Variants in ST13 observed in about 807,000 individuals in gnomAD.
ST13 encodes hsc70-interacting protein.
Under a neutral mutation model 56.7 loss-of-function variants are expected in ST13, and 23 were observed. That is an observed-to-expected ratio of 0.41 (90% CI 0.29 to 0.57). The LOEUF (loss-of-function observed/expected upper bound fraction) is 0.57. ST13 is among the 20% of genes least tolerant of loss of function. The pLI, the probability that ST13 is intolerant of heterozygous loss-of-function variation, is 0.36. For missense variants in ST13, 369 were observed against 459.9 expected (o/e 0.80, Z 1.81); for synonymous variants, 132 against 142.4 (o/e 0.93, Z 0.52).
chr22:40,829,850 G>T lies in ST13; in HGVS notation c.799-176C>A, dbSNP rs185442634. On this transcript the variant is annotated intron_variant, in intron 9 of 11. Transcript: ENST00000216218. ...ATTTTTTCCAAACTGGATTCTCAGT[G>T]GGCATTATTCTTGGTAGTAATTTCA... Among the ~76,000 whole-genome samples the T allele has an allele frequency of 5.9e-5, 9 of 152,172 alleles. No homozygotes were observed. The East Asian group carries it at 1.7e-3, about 29-fold the overall frequency.
At chr22:40,854,965 G>A (rs1310350508) in intron 1 of ST13, among the ~76,000 whole-genome samples, 1 of 152,080 alleles carries the variant, frequency 6.6e-6, no homozygotes, top group Non-Finnish European at 1.5e-5. Flanking sequence ...AATATTAAAT[G>A]GTCTCAGAAT....
intron 1 of ST13, among the ~76,000 whole-genome samples, chr22:40,856,210 A>C (rs1348592414): frequency 6.6e-6 from 1 of 152,146 alleles, no homozygotes; most frequent in East Asian, 1.9e-4. Flanking sequence ...CCCCTGGGCA[A>C]CCTCAGGGTG....
At chr22:40,834,660 G>A (rs1209005204) in intron 7 of ST13, among the ~76,000 whole-genome samples, 1 of 152,060 alleles carries the variant, frequency 6.6e-6, no homozygotes, top group African/African-American at 2.4e-5. Flanking sequence ...AATGAACCAC[G>A]ATTTCCCACA....
At chr22:40,828,076 G>A (rs1367155680) in intron 10 of ST13, among the ~76,000 whole-genome samples, 1 of 152,144 alleles carries the variant, frequency 6.6e-6, no homozygotes, top group Non-Finnish European at 1.5e-5. Context: ...AGGCTTATCT[G>A]TTGATTTTTC....
Position 40,824,629 on chromosome 22 carries a change from T to G in ST13, c.*1909A>C. On this transcript the variant is annotated 3_prime_UTR_variant, in exon 12 of 12. Coordinates refer to ENST00000216218, the MANE Select transcript of ST13 (RefSeq NM_003932.5). The stretch of plus-strand genomic sequence containing the variant: ...GAGGAATTTTACTTTTACCCACTTA[T>G]GGTAATATTTGCAATATTAGAATAT... 1 of 152,326 alleles carries G rather than the reference T, an allele frequency of 6.6e-6. No homozygotes were observed. Among genetic ancestry groups the G allele is most frequent in the Non-Finnish European group, 1.5e-5 (1 of 68,038 alleles). 9.4% of individuals were successfully genotyped at this position (152,326 alleles called of 1,614,324 possible).
intron 2 of ST13, among the ~76,000 whole-genome samples, chr22:40,849,912 CA>C (rs11455161): frequency 7.2e-5 from 10 of 139,698 alleles, no homozygotes; most frequent in East Asian, 2.1e-4. Flanking sequence ...AGAAAATTTG[CA>C]AAAAAAAAAA....
At chr22:40,849,150 A>G (rs905406497) in intron 2 of ST13, among the ~76,000 whole-genome samples, 1 of 152,146 alleles carries the variant, frequency 6.6e-6, no homozygotes, top group African/African-American at 2.4e-5. Flanking sequence ...ATATATTGTT[A>G]ACCATTTTTA....
At chr22:40,829,533 A>C in intron 10 of ST13, 93 bp downstream of exon 10, 1 of 592,880 alleles carries the variant, frequency 1.7e-6, no homozygotes, top group South Asian at 7.2e-5. Context: ...AGAGAACAAA[A>C]TCAGAATATC....
At chr22:40,835,909 C>A in intron 5 of ST13, 22 bp from the exon 6 acceptor site, 1 of 1,560,222 alleles carries the variant, frequency 6.4e-7, no homozygotes, top group South Asian at 1.1e-5. Context: ...CAAAAGTTAT[C>A]GAGAAATATT....
intron 2 of ST13, among the ~76,000 whole-genome samples, chr22:40,848,627 C>A (rs2057845200): frequency 6.6e-6 from 1 of 152,124 alleles, no homozygotes; most frequent in Admixed American, 6.5e-5. Context: ...CTTGTAATCC[C>A]AGCCACTTGG....
In ST13 at chr22:40,832,641, A is replaced by G; in HGVS notation, c.609T>C (p.His203=). ...CCAATTTACAGGCAAGGGCAAGATC[A>G]TGGGCTGCTTCTTCCCAGTGGCCTA... ...RLLGHWEEAA[H]DLALACKLDY... Residue 203 remains histidine (H), a synonymous_variant, in exon 8 of 12, where the codon CAT becomes CAC. Transcript: ENST00000216218. 6.2e-7 allele frequency: 1 copy of G among 1,602,190 alleles called. No homozygotes were observed. The highest frequency in any genetic ancestry group is 8.5e-7 in the Non-Finnish European group (1 of 1,179,732).
chr22:40,854,629 G>C (rs2057879324), intron 1 of ST13: 1 of 152,160 alleles, frequency 6.6e-6, no homozygotes, highest in Non-Finnish European at 1.5e-5. Context: ...GTTCTTCTGT[G>C]TCTCCTCTTC....
intron 8 of ST13, among the ~76,000 whole-genome samples, chr22:40,831,307 T>G (rs896177945): frequency 1.3e-5 from 2 of 152,098 alleles, no homozygotes; most frequent in African/African-American, 4.8e-5. Flanking sequence ...CTGAATTCAG[T>G]AGGAAGAGTA....
chr22:40,831,933 C>A (rs2057755729), intron 8 of ST13, among the ~76,000 whole-genome samples: 1 of 152,130 alleles, frequency 6.6e-6, no homozygotes, highest in South Asian at 2.1e-4. Flanking sequence ...CTCACTGCAA[C>A]CTTCCACCTC....
At chr22:40,835,497 GCATCTTAAAA>G (rs1465908643) in intron 7 of ST13, 53 bp downstream of exon 7, 3 of 1,394,220 alleles carry the variant, frequency 2.2e-6, no homozygotes, top group Non-Finnish European at 3.0e-6. Flanking sequence ...TTTAAACAAA[GCATCTTAAAA>G]CATCAGATTT....
Position 40,856,518 on chromosome 22 carries a change from T to A in ST13, c.23A>T (p.Glu8Val). The stretch of plus-strand genomic sequence containing the variant: ...ACACATTTTCACAAAGGCCCGAAGC[T>A]CGTTCACTTTGCGGGGGTCCATGGT... The part of the protein sequence containing the change: MDPRKVN[E>V]LRAFVKMCKQ... Residue 8 changes from glutamate to valine, a missense_variant, in exon 1 of 12, where the codon GAG becomes GTG. By Grantham distance (121) the Glu-to-Val change is moderately radical. Around this residue, in one of 3 missense-constraint regions of ST13, gnomAD observed 169 missense variants for 175.6 expected, o/e 0.96. Transcript: ENST00000216218. The A allele has an allele frequency of 6.2e-7, 1 of 1,612,764 alleles. No individual in the cohort carries two copies. The highest frequency in any genetic ancestry group is 8.5e-7 in the Non-Finnish European group (1 of 1,179,712).
chr22:40,832,017 G>A lies in ST13; in HGVS notation c.681+552C>T, dbSNP rs1274873501. The A allele has an allele frequency of 8.6e-5, 29 of 335,430 alleles. No homozygotes were observed. The Admixed American group carries it at 1.1e-3, about 13-fold the overall frequency. The allele number at this position is 335,430 out of a possible 1,614,324, so 20.8% of individuals were successfully genotyped here. A position where few individuals can be genotyped will look rare whatever the true frequency, so the allele number is the denominator to read the frequency against. ...ACGTAGGCGCATGCCACCACACCTG[G>A]CTAACTTTTTGTACTTTTAGTAGAG... On this transcript the variant is annotated intron_variant, in intron 8 of 11. Coordinates refer to ENST00000216218, the MANE Select transcript of ST13 (RefSeq NM_003932.5).
intron 11 of ST13, among the ~76,000 whole-genome samples, 166 bp from the exon 12 acceptor site, chr22:40,826,832 T>C (rs1451416491): frequency 1.3e-4 from 20 of 152,246 alleles, no homozygotes; most frequent in Non-Finnish European, 2.9e-4. Context: ...TTAAGTCATT[T>C]GAACTGTATG....
chr22:40,831,159 G>C (rs986270072), intron 8 of ST13, among the ~76,000 whole-genome samples: 26 of 152,156 alleles, frequency 1.7e-4, no homozygotes, highest in African/African-American at 6.0e-4. Flanking sequence ...AGAGTAAAGG[G>C]GCCTGGGATT....
Sources: gnomAD v4.1 joint callset for allele counts (sites outside exome capture counted in the v4.1 genomes callset) on GRCh38, gnomAD v4.1.1 for gene constraint, gnomAD v4.1.1 regional missense constraint, MANE v1.5 for transcripts, NCBI Gene and HGNC (gene_info 2026-07-23, HGNC 2026-07-21) for gene names.